DLC1: variants seen among roughly 807,000 people sequenced by gnomAD.
The protein encoded by DLC1 is DLC1 Rho GTPase activating protein.
Under a neutral mutation model 140.3 loss-of-function variants are expected in DLC1, and 54 were observed. The observed-to-expected ratio is 0.38, with a 90% CI of 0.31 to 0.48. The LOEUF is 0.48. Ranked by LOEUF, DLC1 falls within the 20% of genes least tolerant of loss-of-function variation. The pLI is 0.96. For missense variants in DLC1, 2,536 were observed against 1,907.0 expected (o/e 1.33, Z -6.14); for synonymous variants, 986 against 728.1 (o/e 1.35, Z -5.70).
At chr8:13,092,476 G>A in intron 13 of DLC1, 136 bp downstream of exon 13, 4 of 912,010 alleles carry the variant, frequency 4.4e-6, no homozygotes, top group Non-Finnish European at 6.6e-6. Context: ...TATTAGCGGT[G>A]TGAGAATGGA....
chr8:13,294,936 T>C (rs1384486925), intron 5 of DLC1, among the ~76,000 whole-genome samples: 1 of 152,216 alleles, frequency 6.6e-6, no homozygotes, highest in Admixed American at 6.5e-5. Context: ...TATAAAGTGC[T>C]TGGAAAAGTG....
At chr8:13,577,770 A>G (rs1804895951) in intron 1 of DLC1, among the ~76,000 whole-genome samples, 1 of 152,054 alleles carries the variant, frequency 6.6e-6, no homozygotes, top group African/African-American at 2.4e-5. Context: ...ATAGGATATA[A>G]TTTGTTGGGA....
intron 3 of DLC1, among the ~76,000 whole-genome samples, chr8:13,398,794 G>C (rs942672307): frequency 5.3e-5 from 8 of 152,246 alleles, no homozygotes; most frequent in South Asian, 2.1e-4. Flanking sequence ...GATGGAGACA[G>C]ATCAGTATTA....
chr8:13,245,797 T>C (rs1302471170), intron 5 of DLC1, among the ~76,000 whole-genome samples: 1 of 152,006 alleles, frequency 6.6e-6, no homozygotes, highest in African/African-American at 2.4e-5. Context: ...GCTCCCTGGG[T>C]TCAAGCGATT....
chr8:13,577,191 A>C (rs1212333214), intron 1 of DLC1, among the ~76,000 whole-genome samples: 1 of 152,148 alleles, frequency 6.6e-6, no homozygotes, highest in African/African-American at 2.4e-5. Flanking sequence ...GGACTTTATA[A>C]TAGGTTTCAC....
chr8:13,431,714 G>A (rs1585096848), intron 2 of DLC1, among the ~76,000 whole-genome samples: 1 of 151,878 alleles, frequency 6.6e-6, no homozygotes, highest in East Asian at 1.9e-4. Flanking sequence ...AGGGGGATAC[G>A]GACTGATGGG....
chr8:13,183,071 C>T lies in DLC1; in HGVS notation c.1349-67414G>A, dbSNP rs532810760. Among the ~76,000 whole-genome samples the T allele has an allele frequency of 2.0e-5, 3 of 152,302 alleles. No homozygotes were observed. The East Asian group carries it at 5.8e-4, about 29-fold the overall frequency. On this transcript the variant is annotated intron_variant, in intron 5 of 17. Transcript: ENST00000276297. ...GTTGGATTCCTAGGTATTATACTCT[C>T]TTTGTAGCAATTGTGAATGAGAGTT...
At chr8:13,330,001 G>T (rs1272970165) in intron 4 of DLC1, among the ~76,000 whole-genome samples, 1 of 152,050 alleles carries the variant, frequency 6.6e-6, no homozygotes. Context: ...ATTTTGCTCT[G>T]TTACCCAGGC....
At chr8:13,581,062 A>C (rs6530646) in intron 1 of DLC1, among the ~76,000 whole-genome samples, 43,966 of 152,086 alleles carry the variant, frequency 0.29, 7,064 homozygotes, top group African/African-American at 0.44. Flanking sequence ...GTAGTCAAAC[A>C]TCAAAAATGG....
intron 3 of DLC1, among the ~76,000 whole-genome samples, chr8:13,396,518 C>A (rs1041627296): frequency 6.6e-6 from 1 of 152,110 alleles, no homozygotes; most frequent in Non-Finnish European, 1.5e-5. Context: ...CCATTATCTG[C>A]TTCAATGTTC....
intron 5 of DLC1, among the ~76,000 whole-genome samples, chr8:13,291,400 T>C (rs1831751072): frequency 6.6e-6 from 1 of 152,238 alleles, no homozygotes; most frequent in Admixed American, 6.5e-5. Context: ...GATACTAATA[T>C]GTAAATTTAT....
At chr8:13,472,772 C>T (rs1413598989) in intron 2 of DLC1, among the ~76,000 whole-genome samples, 1 of 152,226 alleles carries the variant, frequency 6.6e-6, no homozygotes, top group Non-Finnish European at 1.5e-5. Flanking sequence ...AATAATTAAA[C>T]TGTGTTATAA....
intron 2 of DLC1, among the ~76,000 whole-genome samples, chr8:13,464,746 TTATA>T (rs1177098652): frequency 7.6e-6 from 1 of 130,930 alleles, no homozygotes; most frequent in African/African-American, 2.7e-5. Context: ...GAATTTTAAA[TTATA>T]TATATATATA....
chr8:13,398,629 G>A (rs9792309), intron 3 of DLC1, among the ~76,000 whole-genome samples: 34,522 of 117,724 alleles, frequency 0.29, 4,786 homozygotes, highest in Admixed American at 0.35. Context: ...AAAAAAATTA[G>A]CCAGCCATGG....
intron 5 of DLC1, among the ~76,000 whole-genome samples, chr8:13,251,905 T>A (rs1830023775): frequency 1.3e-5 from 2 of 152,182 alleles, no homozygotes; most frequent in Admixed American, 1.3e-4. Context: ...ATGAATTAGA[T>A]GAAAAATAAT....
At chr8:13,102,887 G>T in intron 7 of DLC1, 34 bp from the exon 8 acceptor site, 1 of 1,587,510 alleles carries the variant, frequency 6.3e-7, no homozygotes, top group South Asian at 1.1e-5. Flanking sequence ...AGCAAAGATA[G>T]GCAACCACTC....
At chr8:13,267,970 CTGT>C (rs942876544) in intron 5 of DLC1, among the ~76,000 whole-genome samples, 14 of 152,218 alleles carry the variant, frequency 9.2e-5, no homozygotes, top group Admixed American at 3.3e-4. Context: ...AAGAGTGTTT[CTGT>C]TGTTGGCTGA....
At chr8:13,298,449 A>G (rs1178182391) in intron 5 of DLC1, among the ~76,000 whole-genome samples, 9 of 152,246 alleles carry the variant, frequency 5.9e-5, no homozygotes, top group Admixed American at 5.9e-4. Context: ...GATTATAGCC[A>G]GAGCATTTTT....
chr8:13,530,250 A>G (rs1011211590), intron 1 of DLC1, among the ~76,000 whole-genome samples: 2 of 152,192 alleles, frequency 1.3e-5, no homozygotes, highest in African/African-American at 4.8e-5. Context: ...TAAGTCCTCT[A>G]TGCTTGCCTA....
Sources: gnomAD v4.1 joint callset for allele counts (sites outside exome capture counted in the v4.1 genomes callset) on GRCh38, gnomAD v4.1.1 for gene constraint, MANE v1.5 for transcripts, NCBI Gene and HGNC (gene_info 2026-07-23, HGNC 2026-07-21) for gene names.